Variants in EXOC4 observed in about 807,000 individuals in gnomAD.
EXOC4 encodes SEC8-like 1.
In EXOC4, 71 loss-of-function variants were observed where a neutral mutation model predicts 107.2. The observed-to-expected ratio is 0.66, with a 90% confidence interval of 0.55 to 0.81. The LOEUF is 0.81. EXOC4 is among the 30% of genes least tolerant of loss of function. The probability of loss-of-function intolerance (pLI) is 0.00; values close to 1 mark genes in which losing one functional copy is unlikely to be tolerated. For missense variants in EXOC4, 1,108 were observed against 1,189.6 expected, an observed-to-expected ratio of 0.93 and a Z score of 1.01; for synonymous variants, 456 against 441.2, an observed-to-expected ratio of 1.03 and a Z score of -0.42.
chr7:133,607,067 C>T (rs767515791), intron 9 of EXOC4, among the ~76,000 whole-genome samples: 2 of 152,192 alleles, frequency 1.3e-5, no homozygotes, highest in Admixed American at 6.5e-5. Flanking sequence ...TTTTGGCAAG[C>T]ATCATTGTCA....
chr7:133,307,684 G>C (rs2204885), intron 4 of EXOC4, among the ~76,000 whole-genome samples: 53,180 of 151,992 alleles, frequency 0.35, 11,963 homozygotes, highest in African/African-American at 0.65. Flanking sequence ...TATTTCCTAC[G>C]CTTTTTGTTG....
chr7:133,576,624 C>A, intron 9 of EXOC4: 1 of 1,289,724 alleles, frequency 7.8e-7, no homozygotes, highest in Non-Finnish European at 1.0e-6. Context: ...AACCACCTAG[C>A]TATTGCTAAA....
chr7:133,275,901 G>C (rs1793979323), intron 2 of EXOC4, among the ~76,000 whole-genome samples: 1 of 151,550 alleles, frequency 6.6e-6, no homozygotes, highest in South Asian at 2.1e-4. Context: ...GAATTCCTGG[G>C]CTCAAGCAAT....
At chr7:133,695,254 T>A (rs935864820) in intron 10 of EXOC4, among the ~76,000 whole-genome samples, 1 of 152,136 alleles carries the variant, frequency 6.6e-6, no homozygotes, top group African/African-American at 2.4e-5. Flanking sequence ...TTTTTTTATT[T>A]AACATAACGA....
Position 134,007,686 on chromosome 7 carries a change from C to T in EXOC4, c.2538C>T (p.His846=), listed in dbSNP as rs1235699218. Residue 846 remains histidine, a synonymous_variant, in exon 17 of 18, where the codon CAC becomes CAT. Coordinates refer to ENST00000253861, the MANE Select transcript of EXOC4 (RefSeq NM_021807.4). ...GTGCTGACCCCTCAGGCCTGGGCCACCTGATCTCCTGCATCCTCATTAATG... is the reference window on the plus strand; with the variant it reads ...GTGCTGACCCCTCAGGCCTGGGCCATCTGATCTCCTGCATCCTCATTAATG... ...KFQYIFEGLG[H]LISCILINGA... 1.2e-5 allele frequency: 19 copies of T among 1,613,126 alleles called. No homozygotes were observed. Among genetic ancestry groups the T allele is most frequent in the Non-Finnish European group, 1.6e-5 (19 of 1,179,490 alleles).
intron 17 of EXOC4, among the ~76,000 whole-genome samples, chr7:134,037,253 C>T (rs1167364161): frequency 1.3e-5 from 2 of 152,156 alleles, no homozygotes; most frequent in Admixed American, 6.5e-5. Context: ...GCTGCTCCCA[C>T]GTTGCCCAGA....
the EXOC4 span, among the ~76,000 whole-genome samples, chr7:134,089,861 C>T: frequency 6.6e-6 from 1 of 152,092 alleles, no homozygotes; most frequent in Admixed American, 6.5e-5. Context: ...TGTCCCCAGG[C>T]CTTATCTAGA....
intron 9 of EXOC4, 186 bp downstream of exon 9, chr7:133,480,324 A>G (rs1799124198): frequency 5.6e-6 from 8 of 1,421,486 alleles, no homozygotes; most frequent in South Asian, 1.5e-5. Flanking sequence ...TACTGTGGCC[A>G]TAGGACTTGT....
chr7:133,810,910 G>A (rs1797211598), intron 10 of EXOC4, among the ~76,000 whole-genome samples: 1 of 152,046 alleles, frequency 6.6e-6, no homozygotes. Flanking sequence ...TGGGATTACA[G>A]GTATGAGCTA....
At chr7:134,049,206 G>A (rs1416605559) in intron 17 of EXOC4, among the ~76,000 whole-genome samples, 1 of 152,206 alleles carries the variant, frequency 6.6e-6, no homozygotes, top group Non-Finnish European at 1.5e-5. Flanking sequence ...CACTTAAGGA[G>A]TGTTAAAATA....
intron 3 of EXOC4, among the ~76,000 whole-genome samples, chr7:133,289,526 C>T (rs1440234618): frequency 1.3e-5 from 2 of 152,136 alleles, no homozygotes; most frequent in Non-Finnish European, 2.9e-5. Context: ...GGGCTTTGTT[C>T]TTTTCCTTGA....
chr7:133,713,008 C>A (rs909508887), intron 10 of EXOC4, among the ~76,000 whole-genome samples: 2 of 152,162 alleles, frequency 1.3e-5, no homozygotes, highest in Admixed American at 1.3e-4. Flanking sequence ...TTTGGAGTGA[C>A]GGAAATGTTT....
At chr7:133,439,972 G>A (rs751260261) in intron 7 of EXOC4, among the ~76,000 whole-genome samples, 1 of 152,128 alleles carries the variant, frequency 6.6e-6, no homozygotes, top group African/African-American at 2.4e-5. Flanking sequence ...ATTGCTTATT[G>A]TGAGTTATAG....
chr7:133,790,355 A>G (rs145007109), intron 10 of EXOC4, among the ~76,000 whole-genome samples: 75 of 152,348 alleles, frequency 4.9e-4, no homozygotes, highest in African/African-American at 1.8e-3. Context: ...GTCTCTGTCC[A>G]ACCCACTGGG....
At chr7:133,490,354 G>A (rs1377721282) in intron 9 of EXOC4, among the ~76,000 whole-genome samples, 2 of 152,138 alleles carry the variant, frequency 1.3e-5, no homozygotes, top group South Asian at 2.1e-4. Context: ...ACACTATCAC[G>A]GAGTTGTGTG....
chr7:134,097,709 G>A, the EXOC4 span, among the ~76,000 whole-genome samples: 70 of 152,290 alleles, frequency 4.6e-4, no homozygotes, highest in South Asian at 0.01. Context: ...AAACACCCAA[G>A]TTCCCAGAAA....
At chr7:133,953,506 C>T (rs142455887) in intron 14 of EXOC4, among the ~76,000 whole-genome samples, 3 of 151,896 alleles carry the variant, frequency 2.0e-5, no homozygotes, top group African/African-American at 7.2e-5. Flanking sequence ...TTTTAATTAG[C>T]TGGGCATGGT....
intron 10 of EXOC4, among the ~76,000 whole-genome samples, chr7:133,723,178 C>A (rs1795138352): frequency 6.6e-6 from 1 of 152,098 alleles, no homozygotes; most frequent in Non-Finnish European, 1.5e-5. Context: ...GGATTCACAG[C>A]AAAAATAAAA....
chr7:133,477,242 A>G (rs1799038114), intron 8 of EXOC4, among the ~76,000 whole-genome samples: 2 of 152,304 alleles, frequency 1.3e-5, no homozygotes, highest in South Asian at 4.1e-4. Context: ...GACAAGGCAT[A>G]AGTTCCCACC....
Sources: allele counts gnomAD v4.1 joint callset (sites outside exome capture counted in the v4.1 genomes callset), GRCh38; gene constraint gnomAD v4.1.1; transcripts MANE v1.5; gene names NCBI Gene and HGNC (gene_info 2026-07-23, HGNC 2026-07-21).